Variants in KALRN observed in about 807,000 individuals in gnomAD.
The protein encoded by KALRN is kalirin.
Under a neutral mutation model 353.7 loss-of-function variants are expected in KALRN, and 70 were observed. That is an observed-to-expected ratio of 0.20 (90% CI 0.16 to 0.24). The LOEUF is 0.24. Ranked by LOEUF, KALRN falls within the 10% of genes least tolerant of loss-of-function variation. The pLI, the probability that KALRN is intolerant of heterozygous loss-of-function variation, is 1.00. For synonymous variants in KALRN, 1,391 were observed against 1,434.8 expected, an observed-to-expected ratio of 0.97 and a Z score of 0.69; for missense variants, 2,791 against 3,756.7, an observed-to-expected ratio of 0.74 and a Z score of 6.72.
At chr3:124,342,728 T>C (rs1219651683) in intron 9 of KALRN, among the ~76,000 whole-genome samples, 2 of 152,222 alleles carry the variant, frequency 1.3e-5, no homozygotes, top group East Asian at 3.8e-4. Flanking sequence ...CTGACAACCA[T>C]TATTGAGTAC....
At chr3:124,441,737 G>T (rs1016607917) in intron 18 of KALRN, among the ~76,000 whole-genome samples, 2 of 151,910 alleles carry the variant, frequency 1.3e-5, no homozygotes, top group Non-Finnish European at 2.9e-5. Context: ...GAGATGGAAG[G>T]ACTGCTTGAG....
At chr3:124,419,163 A>C (rs1479820377) in intron 14 of KALRN, among the ~76,000 whole-genome samples, 2 of 151,970 alleles carry the variant, frequency 1.3e-5, no homozygotes, top group Non-Finnish European at 2.9e-5. Context: ...GTTTCCAATG[A>C]TATACAGTAG....
intron 37 of KALRN, among the ~76,000 whole-genome samples, chr3:124,642,285 C>T (rs1578579745): frequency 7.4e-6 from 1 of 134,612 alleles, no homozygotes. Context: ...ACTGTCTCTA[C>T]AGAAAAACAA....
At chr3:124,408,990 T>G (rs1313740799) in intron 13 of KALRN, among the ~76,000 whole-genome samples, 7 of 152,248 alleles carry the variant, frequency 4.6e-5, no homozygotes, top group African/African-American at 1.7e-4. Context: ...CTTCCCATTT[T>G]CCATTTCCCA....
chr3:124,393,637 T>G (rs1243693842), intron 11 of KALRN, among the ~76,000 whole-genome samples: 3 of 152,228 alleles, frequency 2.0e-5, no homozygotes, highest in Non-Finnish European at 4.4e-5. Flanking sequence ...TTATTAATAC[T>G]GCCATAAATT....
At chr3:124,598,089 C>T (rs569630413) in intron 34 of KALRN, among the ~76,000 whole-genome samples, 13 of 152,308 alleles carry the variant, frequency 8.5e-5, no homozygotes, top group African/African-American at 3.1e-4. Flanking sequence ...GTATTTTAGC[C>T]ACCTGCTCCA....
At chr3:124,047,068 G>A (rs2149117438) in intron 1 of KALRN, among the ~76,000 whole-genome samples, 1 of 148,788 alleles carries the variant, frequency 6.7e-6, no homozygotes, top group South Asian at 2.1e-4. Context: ...TACAGCTGTT[G>A]TGTGGATTAA....
intron 33 of KALRN, among the ~76,000 whole-genome samples, chr3:124,548,226 A>G (rs962481725): frequency 2.6e-5 from 4 of 152,238 alleles, no homozygotes; most frequent in Non-Finnish European, 1.5e-5. Context: ...AATTTATAAG[A>G]TAAGTAGAAC....
chr3:124,093,851 G>C (rs2149378206), intron 1 of KALRN, among the ~76,000 whole-genome samples: 1 of 152,266 alleles, frequency 6.6e-6, no homozygotes, highest in Non-Finnish European at 1.5e-5. Context: ...GAAAAATTAG[G>C]CGGATTTGGC....
chr3:124,328,193 A>G (rs990904467), intron 7 of KALRN, among the ~76,000 whole-genome samples: 2 of 152,162 alleles, frequency 1.3e-5, no homozygotes, highest in African/African-American at 4.8e-5. Context: ...GGATTTGGCC[A>G]TATCTTTTTG....
At chr3:124,319,712 G>A (rs1403056953) in intron 6 of KALRN, among the ~76,000 whole-genome samples, 1 of 151,832 alleles carries the variant, frequency 6.6e-6, no homozygotes, top group African/African-American at 2.4e-5. Context: ...AAGTATTCAG[G>A]CCAGGCGCAG....
intron 1 of KALRN, chr3:124,094,916 G>A (rs764420652): frequency 6.2e-7 from 1 of 1,612,196 alleles, no homozygotes; most frequent in South Asian, 1.1e-5. Context: ...TATCCTGAGT[G>A]TGTGTATGCT....
chr3:124,490,174 C>T (rs748362238), intron 29 of KALRN, among the ~76,000 whole-genome samples: 2 of 152,158 alleles, frequency 1.3e-5, no homozygotes, highest in Non-Finnish European at 2.9e-5. Flanking sequence ...GGGAGGATCA[C>T]TTGAACCTGG....
intron 32 of KALRN, among the ~76,000 whole-genome samples, chr3:124,494,360 C>T (rs1577409109): frequency 6.6e-6 from 1 of 152,182 alleles, no homozygotes; most frequent in African/African-American, 2.4e-5. Context: ...TCCCCACATC[C>T]CCCCAGAAGT....
intron 1 of KALRN, among the ~76,000 whole-genome samples, chr3:124,041,567 T>C (rs2039972151): frequency 6.6e-6 from 1 of 152,130 alleles, no homozygotes; most frequent in South Asian, 2.1e-4. Flanking sequence ...ACCCCTTTTT[T>C]CTCCTCCTCT....
chr3:124,620,381 G>A (rs2079136888), intron 34 of KALRN, among the ~76,000 whole-genome samples: 2 of 152,272 alleles, frequency 1.3e-5, no homozygotes, highest in East Asian at 1.9e-4. Context: ...TGGGATTATA[G>A]GCATGAGCCA....
At position 124,430,766 on chromosome 3, in the gene KALRN, G is replaced by A. The variant is rs908831845; in HGVS notation, c.2820G>A (p.Leu940=). 1.2e-6 allele frequency: 2 copies of A among 1,613,868 alleles called. No individual in the cohort carries two copies. The highest frequency in any genetic ancestry group is 2.2e-5 in the East Asian group (1 of 44,852). Residue 940 remains leucine, a synonymous_variant, in exon 16 of 60, where the codon CTG becomes CTA. Coordinates refer to ENST00000682506, the MANE Select transcript of KALRN (RefSeq NM_001388419.1). ...QLQREHEQFQ[L]AIESLFHATS... ...AGCGGGAGCACGAGCAGTTCCAACT[G>A]GCCATCGAGGTAACACCCAAATCTG...
chr3:124,371,835 A>C (rs2085882290), intron 10 of KALRN, among the ~76,000 whole-genome samples: 1 of 152,180 alleles, frequency 6.6e-6, no homozygotes, highest in African/African-American at 2.4e-5. Flanking sequence ...ATATACAATA[A>C]AGTTATTACT....
At chr3:124,384,593 C>G (rs1376798985) in intron 10 of KALRN, 5 of 386,554 alleles carry the variant, frequency 1.3e-5, no homozygotes. Flanking sequence ...TACGCTCTCC[C>G]CACTTCTTTC....
Sources: gnomAD v4.1 joint callset for allele counts (sites outside exome capture counted in the v4.1 genomes callset) on GRCh38, gnomAD v4.1.1 for gene constraint, MANE v1.5 for transcripts, NCBI Gene and HGNC (gene_info 2026-07-23, HGNC 2026-07-21) for gene names.